Variants in FAM184A observed in about 807,000 individuals in gnomAD.
FAM184A encodes family with sequence similarity 184 member A.
Under a neutral mutation model 143.8 loss-of-function variants are expected in FAM184A, and 99 were observed. The ratio of observed to expected loss-of-function variants is 0.69; its 90% CI spans 0.58 to 0.81. FAM184A has a LOEUF of 0.81. Ranked by LOEUF, FAM184A falls within the 40% of genes least tolerant of loss-of-function variation. The probability of loss-of-function intolerance (pLI) is 0.00; values close to 1 mark genes in which losing one functional copy is unlikely to be tolerated. For missense variants in FAM184A, 1,217 were observed against 1,310.5 expected (o/e 0.93, Z 1.10); for synonymous variants, 427 against 446.4 (o/e 0.96, Z 0.55).
upstream of FAM184A, among the ~76,000 whole-genome samples, chr6:119,082,195 A>C (rs888404483): frequency 4.6e-5 from 7 of 152,026 alleles, no homozygotes; most frequent in African/African-American, 1.7e-4. Flanking sequence ...CCTTCCCAGC[A>C]CTTTCCTTCT....
At chr6:119,118,696 C>G (rs1789125525) in intron 1 of FAM184A, among the ~76,000 whole-genome samples, 1 of 152,152 alleles carries the variant, frequency 6.6e-6, no homozygotes, top group African/African-American at 2.4e-5. Flanking sequence ...CTAATCCCAT[C>G]ATTTTCGTAA....
chr6:119,047,432 A>T lies in FAM184A; in HGVS notation c.160-22619T>A, dbSNP rs915229561. Among the ~76,000 whole-genome samples the T allele has an allele frequency of 6.6e-5, 10 of 152,242 alleles. 1 individual carries two copies. The highest frequency in any genetic ancestry group is 1.0e-4 in the Non-Finnish European group (7 of 68,040). Reference sequence around the variant, plus strand: ...ATATCAAAGAGATATCTATACCCTTATGTTTGTTGCAGCACCGGTTATAAT... The same window carrying T: ...ATATCAAAGAGATATCTATACCCTTTTGTTTGTTGCAGCACCGGTTATAAT... On this transcript the variant is annotated intron_variant, in intron 1 of 17. Coordinates refer to ENST00000338891, the MANE Select transcript of FAM184A (RefSeq NM_024581.6).
chr6:118,990,044 G>A (rs192659560), intron 9 of FAM184A, among the ~76,000 whole-genome samples: 85 of 152,228 alleles, frequency 5.6e-4, no homozygotes, highest in Admixed American at 9.8e-4. Flanking sequence ...GGCCAGGATG[G>A]TCTCATCTTC....
chr6:119,032,483 G>GGGGGAGGGGGAGAGGGAGA, intron 1 of FAM184A, among the ~76,000 whole-genome samples: 1 of 150,638 alleles, frequency 6.6e-6, no homozygotes, highest in Non-Finnish European at 1.5e-5. Context: ...GGGAGGGGGT[G>GGGGGAGGGGGAGAGGGAGA]GGGGAGGGGG....
chr6:119,147,846 C>G (rs146235448), intron 1 of FAM184A, among the ~76,000 whole-genome samples: 3,046 of 152,316 alleles, frequency 0.02, 45 homozygotes, highest in Middle Eastern at 0.075. Context: ...TTCCAGTTAG[C>G]CCACCTGCAG....
chr6:119,063,111 GT>G (rs1291467256), intron 1 of FAM184A, among the ~76,000 whole-genome samples: 1 of 152,094 alleles, frequency 6.6e-6, no homozygotes, highest in Non-Finnish European at 1.5e-5. Context: ...CATATACCTA[GT>G]AAATAGGAGA....
chr6:119,064,645 G>A (rs1787377198), intron 1 of FAM184A, among the ~76,000 whole-genome samples: 1 of 152,126 alleles, frequency 6.6e-6, no homozygotes, highest in South Asian at 2.1e-4. Flanking sequence ...GTTTGGAGCT[G>A]CAGTAAGCTA....
intron 1 of FAM184A, among the ~76,000 whole-genome samples, chr6:119,031,736 C>G (rs1172757552): frequency 1.3e-5 from 2 of 152,076 alleles, no homozygotes; most frequent in African/African-American, 4.8e-5. Context: ...TTTAACTGGA[C>G]CTTAATTGTT....
chr6:119,096,613 G>A (rs1208650109), intron 1 of FAM184A, among the ~76,000 whole-genome samples: 1 of 27,742 alleles, frequency 3.6e-5, no homozygotes, highest in South Asian at 1.5e-3. Context: ...TCCGCAGTCC[G>A]GCCTGGGCGA....
intron 1 of FAM184A, among the ~76,000 whole-genome samples, chr6:119,091,185 A>G (rs546076372): frequency 3.3e-5 from 5 of 152,310 alleles, no homozygotes. Flanking sequence ...TACCACCAGT[A>G]AAAATTTATA....
At chr6:118,995,269 TAACTG>T (rs1459600290) in intron 9 of FAM184A, among the ~76,000 whole-genome samples, 1 of 151,752 alleles carries the variant, frequency 6.6e-6, no homozygotes, top group Non-Finnish European at 1.5e-5. Flanking sequence ...ATGCAAAAAT[TAACTG>T]AGTGTGGTGA....
intron 1 of FAM184A, among the ~76,000 whole-genome samples, chr6:119,142,676 C>T (rs1772287858): frequency 6.6e-6 from 1 of 152,194 alleles, no homozygotes; most frequent in South Asian, 2.1e-4. Context: ...TCAGCATCTA[C>T]AAAATGCACT....
rs760464070 is a variant in FAM184A at position 119,024,750 on chromosome 6, C to T, written c.223G>A (p.Ala75Thr). The T allele has an allele frequency of 2.5e-6, 4 of 1,613,482 alleles. No individual in the cohort carries two copies. Among genetic ancestry groups the T allele is most frequent in the Non-Finnish European group, 3.4e-6 (4 of 1,179,902 alleles). Residue 75 changes from alanine to threonine, a missense_variant, in exon 2 of 18, where the codon GCT becomes ACT. Ala to Thr is a moderately conservative substitution (Grantham distance 58, BLOSUM62 0). Transcript: ENST00000338891. ...HESAIQALKD[A>T]HEEEIQQILA... Reference sequence around the variant, plus strand: ...ATTTGTTGAATTTCTTCTTCATGAGCATCTTTGAGGGCTTGAATTGCAGAT... The same window carrying T: ...ATTTGTTGAATTTCTTCTTCATGAGTATCTTTGAGGGCTTGAATTGCAGAT...
intron 9 of FAM184A, among the ~76,000 whole-genome samples, chr6:118,989,821 T>TATTA (rs2114607767): frequency 6.6e-6 from 1 of 150,560 alleles, no homozygotes; most frequent in East Asian, 1.9e-4. Flanking sequence ...TTTATTTATT[T>TATTA]ATTTATTTAT....
intron 1 of FAM184A, among the ~76,000 whole-genome samples, chr6:119,094,551 T>G (rs1309023135): frequency 6.6e-6 from 1 of 152,202 alleles, no homozygotes; most frequent in Non-Finnish European, 1.5e-5. Context: ...GCAATGGAGC[T>G]TTTGTTTTCA....
Position 118,960,093 on chromosome 6 carries a change from C to A in FAM184A, c.*10G>T, listed in dbSNP as rs1003600189. The A allele has an allele frequency of 1.2e-6, 2 of 1,610,816 alleles. No homozygotes were observed. The highest frequency in any genetic ancestry group is 2.7e-5 in the African/African-American group (2 of 74,812). On this transcript the variant is annotated 3_prime_UTR_variant, in exon 18 of 18. Transcript: ENST00000338891. The stretch of plus-strand genomic sequence containing the variant: ...AACAGTCTATACAGAGCTGTGCCAA[C>A]ACAATTCTTTCAGAATGTGAAGTAC...
intron 1 of FAM184A, among the ~76,000 whole-genome samples, chr6:119,104,362 C>T (rs1186229031): frequency 4.6e-5 from 7 of 152,270 alleles, no homozygotes; most frequent in African/African-American, 9.6e-5. Context: ...GCAAGAAAAA[C>T]GAGGAAAGTA....
At position 119,084,093 on chromosome 6, in the gene FAM184A, A is replaced by AGAAAGAG. The variant is rs1554195094; in HGVS notation, c.-201-59281_-201-59280insCTCTTTC. Among the ~76,000 whole-genome samples, 7 of 151,522 alleles carry AGAAAGAG rather than the reference A, an allele frequency of 4.6e-5. No homozygotes were observed. In the East Asian group the frequency reaches 9.8e-4, roughly 21 times the overall value. On this transcript the variant is annotated intron_variant, in intron 1 of 16. Transcript: ENST00000352896. ...TTGTGGCAGGAGAGAGAGAGAGAGAAAGAGAGAGAGAAAGCAAAGGGGGAG... is the reference window on the plus strand; with the variant it reads ...TTGTGGCAGGAGAGAGAGAGAGAGAAGAAAGAGAGAGAGAGAGAAAGCAAAGGGGGAG...
intron 1 of FAM184A, among the ~76,000 whole-genome samples, chr6:119,106,118 C>A (rs1282422452): frequency 6.6e-6 from 1 of 152,124 alleles, no homozygotes; most frequent in Non-Finnish European, 1.5e-5. Context: ...TGATGCCGGG[C>A]GCAGTGGCTC....
Sources: allele counts gnomAD v4.1 joint callset (sites outside exome capture counted in the v4.1 genomes callset), GRCh38; gene constraint gnomAD v4.1.1; transcripts MANE v1.5; gene names NCBI Gene and HGNC (gene_info 2026-07-23, HGNC 2026-07-21).